Variants in COL11A1 observed in about 807,000 individuals in gnomAD.
COL11A1 encodes the protein collagen type XI alpha 1 chain.
Under a neutral mutation model 265.2 loss-of-function variants are expected in COL11A1, and 74 were observed. The ratio of observed to expected loss-of-function variants is 0.28; its 90% CI spans 0.23 to 0.34. The LOEUF (loss-of-function observed/expected upper bound fraction) is 0.34, where lower values mean the gene tolerates loss of function less well. Ranked by LOEUF, COL11A1 falls within the 10% of genes least tolerant of loss-of-function variation. The pLI is 1.00. For missense variants in COL11A1, 2,165 were observed against 2,263.6 expected (o/e 0.96, Z 0.88); for synonymous variants, 816 against 727.6 (o/e 1.12, Z -1.96).
chr1:103,037,342 A>G (rs1276581483), intron 4 of COL11A1, among the ~76,000 whole-genome samples: 2 of 151,704 alleles, frequency 1.3e-5, no homozygotes, highest in African/African-American at 2.4e-5. Context: ...TAATGTCTTA[A>G]GGTCACATGT....
At chr1:102,919,389 T>C (rs899121661) in intron 49 of COL11A1, among the ~76,000 whole-genome samples, 1 of 151,656 alleles carries the variant, frequency 6.6e-6, no homozygotes, top group African/African-American at 2.4e-5. Context: ...ATGCTTTAAT[T>C]AAAAGAAATA....
Position 103,108,204 on chromosome 1 carries a change from G to C in COL11A1, c.-26C>G, listed in dbSNP as rs781341903. The C allele has an allele frequency of 1.4e-5, 22 of 1,597,748 alleles. No homozygotes were observed. In the East Asian group the frequency reaches 4.2e-4, roughly 31 times the overall value. On this transcript the variant is annotated 5_prime_UTR_variant, in exon 1 of 67. Transcript: ENST00000370096. ...CTCCGAGCCCCGCACTCACAACTGT[G>C]AACTCAACCCACGAAATTGCGACTG...
At chr1:102,912,543 C>T (rs1424671132) in intron 53 of COL11A1, among the ~76,000 whole-genome samples, 1 of 152,150 alleles carries the variant, frequency 6.6e-6, no homozygotes, top group Non-Finnish European at 1.5e-5. Flanking sequence ...GTTAATAATT[C>T]TGCTCATATC....
rs1085 is a variant in COL11A1, at chr1:102,890,612, A to C, written c.4303-108T>G. ...GTTTAGTTTTGAAAATACGGAGTTG[A>C]AAATAGTAATGATTAATGTTGCTTT... On this transcript the variant is annotated intron_variant, in intron 57 of 66. Transcript: ENST00000370096. 584,758 of 791,796 alleles carry C rather than the reference A, an allele frequency of 0.74. 222,365 individuals carry two copies. Among genetic ancestry groups the C allele is most frequent in the Admixed American group, 0.81 (26,484 of 32,868 alleles). 49.0% of individuals were successfully genotyped at this position (791,796 alleles called of 1,614,324 possible).
At chr1:102,920,118 T>A (rs1043854140) in intron 49 of COL11A1, among the ~76,000 whole-genome samples, 193 bp downstream of exon 49, 1 of 152,134 alleles carries the variant, frequency 6.6e-6, no homozygotes, top group African/African-American at 2.4e-5. Context: ...TTCAATATAA[T>A]AATTGGCAAC....
chr1:102,939,010 T>C, intron 44 of COL11A1, 25 bp downstream of exon 44: 1 of 1,604,624 alleles, frequency 6.2e-7, no homozygotes, highest in Non-Finnish European at 8.5e-7. Flanking sequence ...AATAATGTTC[T>C]CTCAGTAAGA....
intron 46 of COL11A1, among the ~76,000 whole-genome samples, chr1:102,933,885 A>G (rs947682475): frequency 1.3e-5 from 2 of 152,150 alleles, no homozygotes; most frequent in Non-Finnish European, 2.9e-5. Flanking sequence ...TCTTTGACTC[A>G]GAAAGGGAAC....
intron 29 of COL11A1, among the ~76,000 whole-genome samples, chr1:102,988,804 G>A (rs1401827478): frequency 3.3e-5 from 5 of 152,028 alleles, no homozygotes; most frequent in Non-Finnish European, 7.4e-5. Flanking sequence ...TGGAACACAA[G>A]AAAAATGTCT....
chr1:102,982,555 T>C (rs1663136523), intron 31 of COL11A1, among the ~76,000 whole-genome samples: 1 of 152,060 alleles, frequency 6.6e-6, no homozygotes, highest in Admixed American at 6.6e-5. Flanking sequence ...TTAGAGATAA[T>C]ATTTAAATGA....
chr1:103,077,182 TAATC>T (rs1269552779), intron 3 of COL11A1, among the ~76,000 whole-genome samples: 1 of 152,070 alleles, frequency 6.6e-6, no homozygotes, highest in Non-Finnish European at 1.5e-5. Flanking sequence ...TTCTGTTTGA[TAATC>T]AATTAAAAAT....
intron 4 of COL11A1, among the ~76,000 whole-genome samples, chr1:103,049,675 A>T (rs1669624608): frequency 6.6e-6 from 1 of 152,104 alleles, no homozygotes; most frequent in African/African-American, 2.4e-5. Flanking sequence ...TCATTAGTTG[A>T]TGCAGTTTCT....
chr1:102,952,053 C>A (rs1184377595), intron 41 of COL11A1, among the ~76,000 whole-genome samples: 1 of 152,034 alleles, frequency 6.6e-6, no homozygotes, highest in Non-Finnish European at 1.5e-5. Context: ...CAAGAAGAGA[C>A]AGAATGCTGA....
intron 11 of COL11A1, among the ~76,000 whole-genome samples, chr1:103,017,585 G>A (rs1289845600): frequency 1.3e-5 from 2 of 152,114 alleles, no homozygotes; most frequent in East Asian, 1.9e-4. Flanking sequence ...CAATATGGAT[G>A]TTGGGTGAAA....
intron 4 of COL11A1, among the ~76,000 whole-genome samples, chr1:103,031,472 G>C (rs1667994754): frequency 6.6e-6 from 1 of 152,018 alleles, no homozygotes; most frequent in Non-Finnish European, 1.5e-5. Context: ...TCTGGCTCAG[G>C]AAATCTATAC....
At chr1:103,037,063 C>G (rs1488215881) in intron 4 of COL11A1, among the ~76,000 whole-genome samples, 2 of 151,400 alleles carry the variant, frequency 1.3e-5, no homozygotes, top group Non-Finnish European at 2.9e-5. Flanking sequence ...TAATAGCATA[C>G]TTTTAAAACC....
chr1:103,094,063 A>G (rs1673545797), intron 1 of COL11A1, among the ~76,000 whole-genome samples: 1 of 152,138 alleles, frequency 6.6e-6, no homozygotes, highest in African/African-American at 2.4e-5. Context: ...GCCATATGTT[A>G]TCCATGGCTT....
At chr1:103,045,372 C>G (rs1424939189) in intron 4 of COL11A1, among the ~76,000 whole-genome samples, 1 of 152,064 alleles carries the variant, frequency 6.6e-6, no homozygotes, top group Non-Finnish European at 1.5e-5. Context: ...GCTTAGAGAA[C>G]AGATGAAATG....
intron 54 of COL11A1, among the ~76,000 whole-genome samples, chr1:102,905,622 C>G (rs1014144060): frequency 1.3e-5 from 2 of 151,412 alleles, no homozygotes; most frequent in African/African-American, 2.4e-5. Context: ...TCTTAAATAT[C>G]TACTGTTTGA....
At chr1:102,948,909 C>A (rs972482186) in intron 41 of COL11A1, among the ~76,000 whole-genome samples, 1 of 151,602 alleles carries the variant, frequency 6.6e-6, no homozygotes, top group Non-Finnish European at 1.5e-5. Flanking sequence ...AAATGAGCAA[C>A]CCTAAGAGTA....
Sources: gnomAD v4.1 joint callset for allele counts (sites outside exome capture counted in the v4.1 genomes callset) on GRCh38, gnomAD v4.1.1 for gene constraint, MANE v1.5 for transcripts, NCBI Gene and HGNC (gene_info 2026-07-23, HGNC 2026-07-21) for gene names.